PADI3: variants seen among roughly 807,000 people sequenced by gnomAD.
PADI3 encodes the protein peptidyl arginine deiminase 3, also known as protein-arginine deiminase type-3.
Under a neutral mutation model 71.5 loss-of-function variants are expected in PADI3, and 53 were observed. The ratio of observed to expected loss-of-function variants is 0.74; its 90% CI spans 0.59 to 0.93. The LOEUF is 0.93. Ranked by LOEUF, PADI3 falls within the 40% of genes least tolerant of loss-of-function variation. The pLI, the probability that PADI3 is intolerant of heterozygous loss-of-function variation, is 0.00. For missense variants in PADI3, 821 were observed against 868.0 expected (o/e 0.95, Z 0.68); for synonymous variants, 361 against 347.5 (o/e 1.04, Z -0.43).
Position 17,271,060 on chromosome 1 carries a change from T to C in PADI3, c.936-7T>C, listed in dbSNP as rs2073242329. 1 of 1,613,944 alleles carries C rather than the reference T, an allele frequency of 6.2e-7. No individual in the cohort carries two copies. On this transcript the variant is annotated splice_polypyrimidine_tract_variant and splice_region_variant and intron_variant, in intron 8 of 15. Transcript: ENST00000375460. ...CCTGAGCCCCTCTTCCCTGGGCTTG[T>C]CCGTAGTGTGAGGAACAACACGTGT...
chr1:17,270,212 A>G (rs757025544), intron 6 of PADI3, 21 bp from the exon 7 acceptor site: 2 of 1,598,386 alleles, frequency 1.3e-6, no homozygotes, highest in South Asian at 2.2e-5. Context: ...AGTCACAGCC[A>G]CCCCGTCCCT....
rs780934612 is a variant in PADI3 at position 17,249,177 on chromosome 1, C to A, written c.40C>A (p.Pro14Thr). The change falls in exon 1 of 16, where the codon CCC becomes ACC. Residue 14 changes from proline to threonine, a missense_variant. Pro to Thr is a conservative substitution (Grantham distance 38). Transcript: ENST00000375460. ...QRIVRVSLEH[P>T]TSAVCVAGVE... The stretch of plus-strand genomic sequence containing the variant: ...AATCGTGCGTGTGTCCCTGGAGCAT[C>A]CCACCAGCGCGGTGTGTGTGGCTGG... The A allele has an allele frequency of 3.1e-6, 5 of 1,614,178 alleles. No individual in the cohort carries two copies. The East Asian group carries it at 1.1e-4, about 36-fold the overall frequency.
intron 15 of PADI3, 88 bp downstream of exon 15, chr1:17,280,884 T>C (rs574568348): frequency 1.1e-4 from 161 of 1,520,130 alleles, no homozygotes; most frequent in Non-Finnish European, 9.6e-5. Flanking sequence ...ACAGTCATAT[T>C]TAGGATTGTG....
intron 7 of PADI3, 91 bp from the exon 8 acceptor site, chr1:17,270,788 T>A (rs993671219): frequency 1.4e-5 from 13 of 935,242 alleles, no homozygotes; most frequent in African/African-American, 3.3e-5. Flanking sequence ...AGCAAGGGGT[T>A]TTCTTATGGA....
rs567018540 is a variant in PADI3, at chr1:17,261,378, A to G, written c.274-755A>G. ...ATCTTCACAGCCTCTAATTAGTCCT[A>G]AGGGGTAGGAACTATTATTATCCCC... On this transcript the variant is annotated intron_variant, in intron 2 of 15. Coordinates refer to ENST00000375460, the MANE Select transcript of PADI3 (RefSeq NM_016233.2). Among the ~76,000 whole-genome samples the G allele has an allele frequency of 3.9e-5, 6 of 152,312 alleles. No individual in the cohort carries two copies. In the South Asian group the frequency reaches 1.0e-3, roughly 26 times the overall value.
chr1:17,259,539 T>A, intron 1 of PADI3, 39 bp from the exon 2 acceptor site: 1 of 1,523,670 alleles, frequency 6.6e-7, no homozygotes. Flanking sequence ...GCAAAATATA[T>A]CTCCTTCGGC....
At chr1:17,273,985 A>G (rs1269047858) in intron 10 of PADI3, among the ~76,000 whole-genome samples, 2 of 152,158 alleles carry the variant, frequency 1.3e-5, no homozygotes, top group African/African-American at 2.4e-5. Flanking sequence ...GCGCACCACT[A>G]TTAGCTAGTA....
At chr1:17,259,546 C>T (rs113960275) in intron 1 of PADI3, 32 bp from the exon 2 acceptor site, 12 of 1,536,722 alleles carry the variant, frequency 7.8e-6, no homozygotes, top group East Asian at 4.6e-5. Flanking sequence ...ATATCTCCTT[C>T]GGCACCGACC....
intron 6 of PADI3, 22 bp downstream of exon 6, chr1:17,267,984 T>G: frequency 6.2e-7 from 1 of 1,613,482 alleles, no homozygotes; most frequent in Non-Finnish European, 8.5e-7. Context: ...CCACTGCCCC[T>G]TGCCATCTGT....
chr1:17,274,435 CACTTCCCG>C (rs2073297458), intron 10 of PADI3, among the ~76,000 whole-genome samples, 192 bp from the exon 11 acceptor site: 1 of 152,218 alleles, frequency 6.6e-6, no homozygotes, highest in African/African-American at 2.4e-5. Context: ...AGAGTCCGAG[CACTTCCCG>C]ACTTTGCCTG....
chr1:17,259,725 G>C lies in PADI3; in HGVS notation c.240G>C (p.Met80Ile), dbSNP rs781214044. Residue 80 changes from methionine to isoleucine, a missense_variant, in exon 2 of 16, where the codon ATG becomes ATC. Met to Ile is a conservative substitution (Grantham distance 10, BLOSUM62 1). Coordinates refer to ENST00000375460, the MANE Select transcript of PADI3 (RefSeq NM_016233.2). Reference protein sequence around the residue: ...FDATLEIIVVMNSPSNDLNDS... With the variant: ...FDATLEIIVVINSPSNDLNDS... ...CGACTTTGGAGATCATCGTGGTCAT[G>C]AACTCCCCCAGCAATGACCTCAACG... is the stretch of plus-strand genomic sequence containing the variant. 6.2e-7 allele frequency: 1 copy of C among 1,611,962 alleles called. No homozygotes were observed. Among genetic ancestry groups the C allele is most frequent in the African/African-American group, 1.3e-5 (1 of 75,002 alleles).
At chr1:17,266,907 C>A in intron 5 of PADI3, 71 bp downstream of exon 5, 1 of 1,183,430 alleles carries the variant, frequency 8.5e-7, no homozygotes, top group Non-Finnish European at 1.3e-6. Flanking sequence ...GAGTTCCAAC[C>A]CACAGGCGAG....
intron 9 of PADI3, among the ~76,000 whole-genome samples, chr1:17,272,933 G>A (rs2073275214): frequency 6.6e-6 from 1 of 152,208 alleles, no homozygotes; most frequent in South Asian, 2.1e-4. Context: ...GGACCTGGAT[G>A]TGAAGTTCAT....
At chr1:17,275,853 G>T (rs1270033888) in intron 11 of PADI3, among the ~76,000 whole-genome samples, 22 of 152,206 alleles carry the variant, frequency 1.4e-4, no homozygotes, top group Admixed American at 1.4e-3. Context: ...GCTGGACCAT[G>T]CCCTTAGATA....
intron 6 of PADI3, among the ~76,000 whole-genome samples, chr1:17,269,375 T>C (rs1201795792): frequency 6.6e-6 from 1 of 152,220 alleles, no homozygotes; most frequent in Non-Finnish European, 1.5e-5. Flanking sequence ...TTCCTAAGCA[T>C]AGAGGTGCTG....
chr1:17,283,212 C>T lies in PADI3; in HGVS notation c.*133C>T, dbSNP rs2073423593. On this transcript the variant is annotated 3_prime_UTR_variant, in exon 16 of 16. Transcript: ENST00000375460. Reference sequence around the variant, plus strand: ...GATGGAACACTGAGGGTGACCGTCCCTCTCAGAAGCCTTTTCCCTGGAAGT... The same window carrying T: ...GATGGAACACTGAGGGTGACCGTCCTTCTCAGAAGCCTTTTCCCTGGAAGT... The T allele has an allele frequency of 4.4e-6, 3 of 675,550 alleles. No homozygotes were observed. Among genetic ancestry groups the T allele is most frequent in the Non-Finnish European group, 5.1e-6 (2 of 392,378 alleles). The allele number at this position is 675,550 out of a possible 1,614,324, so 41.8% of individuals were successfully genotyped here.
intron 1 of PADI3, among the ~76,000 whole-genome samples, chr1:17,250,664 A>C (rs2072955225): frequency 6.6e-6 from 1 of 152,182 alleles, no homozygotes; most frequent in Non-Finnish European, 1.5e-5. Context: ...AGGGGCAGCC[A>C]CGGAGGCTGT....
intron 1 of PADI3, among the ~76,000 whole-genome samples, chr1:17,259,217 A>G (rs926334809): frequency 6.6e-6 from 1 of 152,128 alleles, no homozygotes; most frequent in Non-Finnish European, 1.5e-5. Flanking sequence ...TTACAGGCAT[A>G]TGCTACCACG....
At chr1:17,249,843 A>T (rs2072943262) in intron 1 of PADI3, among the ~76,000 whole-genome samples, 1 of 152,240 alleles carries the variant, frequency 6.6e-6, no homozygotes, top group Admixed American at 6.5e-5. Context: ...TGCTCAAGTC[A>T]CACAGTTACT....
Sources: allele counts gnomAD v4.1 joint callset (sites outside exome capture counted in the v4.1 genomes callset), GRCh38; gene constraint gnomAD v4.1.1; transcripts MANE v1.5; gene names NCBI Gene and HGNC (gene_info 2026-07-23, HGNC 2026-07-21).